The following GMDS variants were observed in gnomAD, a reference collection of about 807,000 sequenced individuals.
GMDS encodes GDP-mannose 4,6 dehydratase.
A neutral mutation model predicts 49.9 loss-of-function variants in GMDS; 20 were observed. The observed-to-expected ratio is 0.40, with a 90% CI of 0.28 to 0.58. GMDS has a LOEUF of 0.58. Among genes scored for constraint, GMDS ranks in the 20% least tolerant of loss-of-function variants. GMDS has a pLI of 0.42. For synonymous variants in GMDS, 177 were observed against 178.6 expected, an observed-to-expected ratio of 0.99 and a Z score of 0.07; for missense variants, 362 against 481.4, an observed-to-expected ratio of 0.75 and a Z score of 2.32.
intron 4 of GMDS, among the ~76,000 whole-genome samples, chr6:1,973,487 G>A (rs972759939): frequency 1.3e-5 from 2 of 152,032 alleles, no homozygotes; most frequent in Non-Finnish European, 1.5e-5. Context: ...AAAATCAGGG[G>A]ATTAAAAATA....
intron 8 of GMDS, among the ~76,000 whole-genome samples, chr6:1,741,306 T>C (rs758312988): frequency 2.0e-5 from 3 of 152,188 alleles, no homozygotes; most frequent in Non-Finnish European, 4.4e-5. Context: ...TGTTACTTTG[T>C]ACCCATTTAC....
chr6:2,098,650 A>C (rs1355317167), intron 4 of GMDS, among the ~76,000 whole-genome samples: 2 of 152,208 alleles, frequency 1.3e-5, no homozygotes, highest in Admixed American at 6.5e-5. Flanking sequence ...AAAAGCTCGG[A>C]GTAAACCTCT....
At chr6:2,030,622 T>C (rs973323250) in intron 4 of GMDS, among the ~76,000 whole-genome samples, 16 of 152,136 alleles carry the variant, frequency 1.1e-4, no homozygotes, top group Non-Finnish European at 2.4e-4. Context: ...CACAGAAGAA[T>C]TTATAAGACT....
chr6:1,821,607 ATTTGT>A (rs1291952995), intron 7 of GMDS, among the ~76,000 whole-genome samples: 4 of 82,906 alleles, frequency 4.8e-5, no homozygotes, highest in Non-Finnish European at 6.8e-5. Context: ...CTAACAATTT[ATTTGT>A]TTTTTTTTTT....
rs116599166 is a variant in GMDS, at chr6:2,047,425, C to A, written c.345+68346G>T. Among the ~76,000 whole-genome samples the A allele has an allele frequency of 8.6e-3, 1,314 of 152,294 alleles. 19 individuals carry two copies. The highest frequency in any genetic ancestry group is 0.03 in the African/African-American group (1,256 of 41,552). ...TGCAAAGCAAATTTAGTACGGAATT[C>A]CTCCTGAGAAAGTCACATGACTTCT... On this transcript the variant is annotated intron_variant, in intron 4 of 10. Transcript: ENST00000380815.
intron 7 of GMDS, among the ~76,000 whole-genome samples, chr6:1,920,984 A>G (rs1237873636): frequency 6.6e-6 from 1 of 152,232 alleles, no homozygotes; most frequent in African/African-American, 2.4e-5. Flanking sequence ...ATGATCTGCA[A>G]TGGTATAATG....
intron 1 of GMDS, among the ~76,000 whole-genome samples, chr6:2,155,273 T>G (rs892797722): frequency 6.6e-6 from 1 of 152,190 alleles, no homozygotes; most frequent in Non-Finnish European, 1.5e-5. Context: ...TCCTAGTAAT[T>G]ATATTTTAAC....
At chr6:2,169,262 C>A (rs1347018654) in intron 1 of GMDS, among the ~76,000 whole-genome samples, 1 of 152,056 alleles carries the variant, frequency 6.6e-6, no homozygotes, top group African/African-American at 2.4e-5. Flanking sequence ...CTTAAAAGTC[C>A]ATTTGATATT....
chr6:1,913,910 T>C (rs1177499414), intron 7 of GMDS, among the ~76,000 whole-genome samples: 1 of 152,168 alleles, frequency 6.6e-6, no homozygotes, highest in Non-Finnish European at 1.5e-5. Context: ...TAAGGCAAGC[T>C]TAAGTTTGCA....
chr6:1,955,273 T>C (rs184449835), intron 6 of GMDS, among the ~76,000 whole-genome samples: 10 of 152,358 alleles, frequency 6.6e-5, no homozygotes, highest in Admixed American at 6.5e-4. Context: ...GATAATCTTA[T>C]GGGACCACTG....
At chr6:1,627,342 A>C (rs953720346) in intron 9 of GMDS, among the ~76,000 whole-genome samples, 6 of 152,202 alleles carry the variant, frequency 3.9e-5, no homozygotes, top group African/African-American at 1.4e-4. Context: ...GAAAGCGCAC[A>C]CAGCTCTAGA....
At chr6:1,928,226 G>T (rs1421555524) in intron 7 of GMDS, among the ~76,000 whole-genome samples, 1 of 152,066 alleles carries the variant, frequency 6.6e-6, no homozygotes, top group Non-Finnish European at 1.5e-5. Flanking sequence ...TTAGCTGGGC[G>T]TCGTGGTACG....
chr6:2,235,508 A>G (rs965261934), intron 1 of GMDS, among the ~76,000 whole-genome samples: 2 of 152,194 alleles, frequency 1.3e-5, no homozygotes, highest in Admixed American at 6.5e-5. Flanking sequence ...GCATGGAGAC[A>G]TAAGAGGAAA....
chr6:1,795,441 G>A (rs1401475983), intron 7 of GMDS, among the ~76,000 whole-genome samples: 1 of 151,856 alleles, frequency 6.6e-6, no homozygotes, highest in Non-Finnish European at 1.5e-5. Flanking sequence ...CCATATATCT[G>A]TATATATACA....
Position 2,182,682 on chromosome 6 carries a change from C to A in GMDS, c.103-57951G>T, listed in dbSNP as rs1181013835. 2.0e-5 allele frequency among the ~76,000 whole-genome samples: 3 copies of A among 152,308 alleles called. No individual in the cohort carries two copies. In the East Asian group the frequency reaches 5.8e-4, roughly 29 times the overall value. ...AAATTGGTTTACTGAATATTTTAAG[C>A]ACACTATTGAGACCTATTGCTCAAA... On this transcript the variant is annotated intron_variant, in intron 1 of 10. Transcript: ENST00000380815.
At chr6:1,712,384 A>G (rs887992086) in intron 9 of GMDS, among the ~76,000 whole-genome samples, 1 of 152,244 alleles carries the variant, frequency 6.6e-6, no homozygotes, top group African/African-American at 2.4e-5. Context: ...AGATGTAAGT[A>G]GCTAAATGAA....
chr6:2,141,632 T>G (rs571250525), intron 1 of GMDS, among the ~76,000 whole-genome samples: 1 of 152,164 alleles, frequency 6.6e-6, no homozygotes, highest in Non-Finnish European at 1.5e-5. Context: ...AAGAAACTAC[T>G]GCCGTTTAAA....
intron 4 of GMDS, among the ~76,000 whole-genome samples, chr6:2,046,153 C>T (rs761149710): frequency 2.3e-4 from 35 of 152,160 alleles, no homozygotes; most frequent in Non-Finnish European, 3.8e-4. Context: ...GCAGAGTCTA[C>T]AGTGAGCCAA....
chr6:1,859,301 C>T (rs940671914), intron 7 of GMDS, among the ~76,000 whole-genome samples: 1 of 152,090 alleles, frequency 6.6e-6, no homozygotes, highest in Non-Finnish European at 1.5e-5. Context: ...TGGCCCTCTA[C>T]AAACTATTTA....
Sources: gnomAD v4.1 joint callset for allele counts (sites outside exome capture counted in the v4.1 genomes callset) on GRCh38, gnomAD v4.1.1 for gene constraint, MANE v1.5 for transcripts, NCBI Gene and HGNC (gene_info 2026-07-23, HGNC 2026-07-21) for gene names.